TSC22D1: variants seen among roughly 807,000 people sequenced by gnomAD.
TSC22D1 encodes the protein TSC22 domain family protein 1.
TSC22D1 carries 9 observed loss-of-function variants against 74.2 expected under a neutral mutation model. The ratio of observed to expected loss-of-function variants is 0.12; its 90% CI spans 0.07 to 0.21. The LOEUF (loss-of-function observed/expected upper bound fraction) is 0.21. Among genes scored for constraint, TSC22D1 ranks in the 10% least tolerant of loss-of-function variants. The pLI, the probability that TSC22D1 is intolerant of heterozygous loss-of-function variation, is 1.00. For missense variants in TSC22D1, 1,427 were observed against 1,304.7 expected, an observed-to-expected ratio of 1.09 and a Z score of -1.44; for synonymous variants, 586 against 492.5, an observed-to-expected ratio of 1.19 and a Z score of -2.51.
intron 1 of TSC22D1, among the ~76,000 whole-genome samples, chr13:44,470,540 A>AC (rs1223069832): frequency 1.3e-5 from 2 of 152,166 alleles, no homozygotes; most frequent in Non-Finnish European, 2.9e-5. Flanking sequence ...GAGCAGTTAG[A>AC]TTTGTTTCTA....
In TSC22D1 at chr13:44,573,702, T is replaced by C. The variant is rs767684535; in HGVS notation, c.2373A>G (p.Ala791=). ...GCACAGTTAACAAGGAACTTTGGGA[T>C]GCAATAACCAATTGTTGAGGAAGGC... The part of the protein sequence containing the change: ...APSLPQQLVI[A]SQSSLLTVPP... The change falls in exon 1 of 3, where the codon GCA becomes GCG. Residue 791 remains alanine (A), a synonymous_variant. Transcript: ENST00000458659. 199 of 1,614,098 alleles carry C rather than the reference T, an allele frequency of 1.2e-4. No homozygotes were observed. The highest frequency in any genetic ancestry group is 1.6e-4 in the Non-Finnish European group (192 of 1,180,050).
At chr13:44,556,562 G>C (rs1201627364) in intron 1 of TSC22D1, among the ~76,000 whole-genome samples, 2 of 150,936 alleles carry the variant, frequency 1.3e-5, no homozygotes, top group African/African-American at 4.9e-5. Context: ...AAAAAAATCT[G>C]AATACTTTAA....
intron 1 of TSC22D1, among the ~76,000 whole-genome samples, chr13:44,558,424 A>C (rs1882828535): frequency 6.6e-6 from 1 of 152,176 alleles, no homozygotes; most frequent in East Asian, 1.9e-4. Context: ...AAGAGGAGCT[A>C]AACAGTTGCC....
At chr13:44,561,500 A>T (rs774262297) in intron 1 of TSC22D1, among the ~76,000 whole-genome samples, 8 of 152,196 alleles carry the variant, frequency 5.3e-5, no homozygotes, top group African/African-American at 9.7e-5. Flanking sequence ...TACAAAGCCC[A>T]TCTGATACCA....
At chr13:44,504,118 C>T (rs1879331585) in intron 1 of TSC22D1, among the ~76,000 whole-genome samples, 1 of 151,320 alleles carries the variant, frequency 6.6e-6, no homozygotes, top group Non-Finnish European at 1.5e-5. Flanking sequence ...CCATCAAAGC[C>T]CCTGTAAAAT....
intron 1 of TSC22D1, chr13:44,436,927 G>T: frequency 9.6e-7 from 1 of 1,046,978 alleles, no homozygotes; most frequent in Non-Finnish European, 1.1e-6. Context: ...CACGCCACTG[G>T]GACCGCCCCC....
chr13:44,527,020 C>A (rs1880579645), intron 1 of TSC22D1, among the ~76,000 whole-genome samples: 1 of 151,998 alleles, frequency 6.6e-6, no homozygotes, highest in Non-Finnish European at 1.5e-5. Context: ...AGGAACCATG[C>A]AAGCAAGAAG....
At chr13:44,467,222 T>C (rs1877340839) in intron 1 of TSC22D1, among the ~76,000 whole-genome samples, 1 of 152,056 alleles carries the variant, frequency 6.6e-6, no homozygotes, top group Non-Finnish European at 1.5e-5. Context: ...GATCCCTCCC[T>C]GTCTCTCACC....
chr13:44,433,997 C>A lies in TSC22D1; in HGVS notation c.*629G>T, dbSNP rs1035793497. 3 of 1,534,228 alleles carry A rather than the reference C, an allele frequency of 2.0e-6. No homozygotes were observed. The highest frequency in any genetic ancestry group is 1.7e-4 in the Middle Eastern group (1 of 5,972). On this transcript the variant is annotated 3_prime_UTR_variant, in exon 3 of 3. Coordinates refer to ENST00000458659, the MANE Select transcript of TSC22D1 (RefSeq NM_183422.4). ...CACAAATATACAATAAGCAAAACAA[C>A]CTTCATGGTAAGATAGCCTAGGTCC...
At chr13:44,576,834 C>CGCG (rs1014037363), upstream of TSC22D1, among the ~76,000 whole-genome samples, 8 of 151,472 alleles carry the variant, frequency 5.3e-5, no homozygotes, top group East Asian at 1.9e-4. Context: ...ACGGCCGGGG[C>CGCG]GCGGCGGCGG....
In TSC22D1 at chr13:44,518,915, T is replaced by C. The variant is rs1048063390; in HGVS notation, c.2912+54248A>G. 7.9e-5 allele frequency among the ~76,000 whole-genome samples: 12 copies of C among 152,302 alleles called. No individual in the cohort carries two copies. In the East Asian group the frequency reaches 2.1e-3, roughly 27 times the overall value. On this transcript the variant is annotated intron_variant, in intron 1 of 2. Coordinates refer to ENST00000458659, the MANE Select transcript of TSC22D1 (RefSeq NM_183422.4). ...CTGAAAGTGGTCAAACCTTCTATAC[T>C]TATATCCAAATTAATTAAAACTATC...
chr13:44,574,928 T>C lies in TSC22D1; in HGVS notation c.1147A>G (p.Asn383Asp), dbSNP rs1354827664. ...SSSAAVSSVP[N>D]AAAGMTGGSV... ...CCCCCAGTCATCCCTGCAGCTGCAT[T>C]AGGAACACTGCTAACAGCAGCAGAG... The change falls in exon 1 of 3, where the codon AAT (asparagine) becomes GAT (aspartate). Residue 383 changes from asparagine (N) to aspartate (D), a missense_variant. Physicochemically the swap from Asn to Asp is conservative, Grantham distance 23. Transcript: ENST00000458659. The C allele has an allele frequency of 8.7e-6, 14 of 1,614,076 alleles. No individual in the cohort carries two copies. The highest frequency in any genetic ancestry group is 1.1e-5 in the Non-Finnish European group (13 of 1,179,998).
intron 1 of TSC22D1, among the ~76,000 whole-genome samples, chr13:44,553,833 T>C (rs962846652): frequency 5.9e-5 from 9 of 152,222 alleles, no homozygotes; most frequent in Middle Eastern, 3.2e-3. Flanking sequence ...ATCGCTCCAC[T>C]GTATGTAATG....
chr13:44,481,510 G>A (rs111363342), intron 1 of TSC22D1, among the ~76,000 whole-genome samples: 40 of 152,260 alleles, frequency 2.6e-4, no homozygotes, highest in African/African-American at 9.6e-4. Flanking sequence ...TTAAATTAGC[G>A]TGTGATGAGA....
chr13:44,531,347 G>C (rs571406314), intron 1 of TSC22D1, among the ~76,000 whole-genome samples: 1 of 152,100 alleles, frequency 6.6e-6, no homozygotes, highest in East Asian at 1.9e-4. Flanking sequence ...GAAATTCTGA[G>C]AATATGCAAA....
chr13:44,536,447 A>T (rs1485748700), intron 1 of TSC22D1, among the ~76,000 whole-genome samples: 6 of 151,856 alleles, frequency 4.0e-5, no homozygotes. Context: ...AATAAAACTA[A>T]ATATTACCCT....
At chr13:44,537,990 C>T in intron 1 of TSC22D1, 1 of 985,194 alleles carries the variant, frequency 1.0e-6, no homozygotes. Context: ...TTTTGACTGA[C>T]CAGTTAATAG....
At chr13:44,538,507 C>T in intron 1 of TSC22D1, 3 of 985,176 alleles carry the variant, frequency 3.0e-6, no homozygotes, top group Non-Finnish European at 3.6e-6. Flanking sequence ...ATTTTCAATC[C>T]CACAAATGTT....
intron 1 of TSC22D1, among the ~76,000 whole-genome samples, chr13:44,439,502 C>T (rs750938953): frequency 2.0e-5 from 3 of 152,214 alleles, no homozygotes; most frequent in Non-Finnish European, 4.4e-5. Flanking sequence ...TTCAAAGGCT[C>T]TTCTAATTGC....
Sources: gnomAD v4.1 joint callset for allele counts (sites outside exome capture counted in the v4.1 genomes callset) on GRCh38, gnomAD v4.1.1 for gene constraint, MANE v1.5 for transcripts, NCBI Gene and HGNC (gene_info 2026-07-23, HGNC 2026-07-21) for gene names.